The following SGCZ variants were observed in gnomAD, a reference collection of about 807,000 sequenced individuals.
SGCZ encodes sarcoglycan zeta.
A neutral mutation model predicts 41.3 loss-of-function variants in SGCZ; 40 were observed. That is an observed-to-expected ratio of 0.97 (90% CI 0.75 to 1.26). SGCZ has a LOEUF of 1.26. Among genes scored for constraint, SGCZ ranks in the 50% most tolerant of loss-of-function variants. SGCZ has a pLI of 0.00. For missense variants in SGCZ, 552 were observed against 369.8 expected, an observed-to-expected ratio of 1.49 and a Z score of -4.04; for synonymous variants, 206 against 137.5, an observed-to-expected ratio of 1.50 and a Z score of -3.49.
chr8:14,361,128 T>C (rs564956500), intron 2 of SGCZ, among the ~76,000 whole-genome samples: 2 of 152,340 alleles, frequency 1.3e-5, no homozygotes, highest in South Asian at 2.1e-4. Context: ...GCTAATTGGA[T>C]TGTTTCTTTG....
intron 1 of SGCZ, among the ~76,000 whole-genome samples, chr8:15,195,689 T>C (rs955170770): frequency 6.6e-6 from 1 of 152,124 alleles, no homozygotes; most frequent in African/African-American, 2.4e-5. Context: ...TACTCTGAAA[T>C]GTTGCCATTT....
At chr8:14,767,464 T>C (rs1391057370) in intron 1 of SGCZ, among the ~76,000 whole-genome samples, 2 of 152,158 alleles carry the variant, frequency 1.3e-5, no homozygotes, top group East Asian at 1.9e-4. Context: ...TTACAATCAA[T>C]TTTACTCTAG....
At chr8:14,743,921 G>T (rs114763653) in intron 1 of SGCZ, among the ~76,000 whole-genome samples, 3,802 of 151,990 alleles carry the variant, frequency 0.025, 163 homozygotes, top group African/African-American at 0.087. Context: ...ATTTTATTCT[G>T]GGGATCCGAA....
At chr8:14,290,019 T>C (rs1318028781) in intron 3 of SGCZ, among the ~76,000 whole-genome samples, 1 of 151,784 alleles carries the variant, frequency 6.6e-6, no homozygotes, top group Non-Finnish European at 1.5e-5. Context: ...TCCAGCATTA[T>C]CACGAGAACA....
intron 1 of SGCZ, among the ~76,000 whole-genome samples, chr8:15,192,440 A>G (rs1321253813): frequency 6.6e-6 from 1 of 152,172 alleles, no homozygotes. Flanking sequence ...GCTACAAAAA[A>G]TTTTTGAAAA....
intron 3 of SGCZ, among the ~76,000 whole-genome samples, chr8:14,248,278 A>G (rs1346275): frequency 1 from 151,547 of 152,272 alleles, 75,419 homozygotes; most frequent in Non-Finnish European, 1. Context: ...GATGAGTTAC[A>G]TAAAAAGCTT....
chr8:14,394,749 G>A (rs375871406), intron 2 of SGCZ, among the ~76,000 whole-genome samples: 1 of 152,126 alleles, frequency 6.6e-6, no homozygotes, highest in Non-Finnish European at 1.5e-5. Flanking sequence ...TATTTTCAGC[G>A]ATTGGGTGGA....
At chr8:14,116,773 A>T (rs1305217049) in intron 5 of SGCZ, among the ~76,000 whole-genome samples, 1 of 152,100 alleles carries the variant, frequency 6.6e-6, no homozygotes, top group African/African-American at 2.4e-5. Context: ...TAACCATAAG[A>T]GGACTGGTAG....
chr8:14,203,656 G>A (rs907759331), intron 4 of SGCZ, among the ~76,000 whole-genome samples: 1 of 152,152 alleles, frequency 6.6e-6, no homozygotes, highest in African/African-American at 2.4e-5. Flanking sequence ...GGTCACTGGA[G>A]GTGAGCACCA....
chr8:14,175,202 C>G (rs1276451079), intron 4 of SGCZ, among the ~76,000 whole-genome samples: 4 of 151,960 alleles, frequency 2.6e-5, no homozygotes, highest in African/African-American at 9.7e-5. Flanking sequence ...AAATTATCAT[C>G]CAAGGTTGAA....
At chr8:14,511,568 T>G (rs1802469721) in intron 2 of SGCZ, among the ~76,000 whole-genome samples, 1 of 152,098 alleles carries the variant, frequency 6.6e-6, no homozygotes, top group South Asian at 2.1e-4. Flanking sequence ...AATAGAGATC[T>G]TATAATTAAA....
chr8:14,996,478 CG>C (rs1346636609), intron 1 of SGCZ, among the ~76,000 whole-genome samples: 2 of 151,918 alleles, frequency 1.3e-5, no homozygotes, highest in Non-Finnish European at 2.9e-5. Context: ...CACAGCTTAC[CG>C]CAGCCTTGAA....
At chr8:15,171,809 A>C (rs1335792549) in intron 1 of SGCZ, among the ~76,000 whole-genome samples, 3 of 152,216 alleles carry the variant, frequency 2.0e-5, no homozygotes, top group Admixed American at 2.0e-4. Context: ...AGGGACACCT[A>C]GTAAAACCTT....
chr8:14,910,253 G>A (rs1357690862), intron 1 of SGCZ, among the ~76,000 whole-genome samples: 1 of 151,964 alleles, frequency 6.6e-6, no homozygotes, highest in Non-Finnish European at 1.5e-5. Context: ...GGTTAAAACA[G>A]TATTTCTCTA....
chr8:14,897,558 T>C (rs1284757744), intron 1 of SGCZ, among the ~76,000 whole-genome samples: 2 of 152,210 alleles, frequency 1.3e-5, no homozygotes, highest in Non-Finnish European at 2.9e-5. Flanking sequence ...AGTCTAATCA[T>C]TGTACAGGTC....
At chr8:14,514,406 G>T (rs1265983003) in intron 2 of SGCZ, among the ~76,000 whole-genome samples, 2 of 151,872 alleles carry the variant, frequency 1.3e-5, no homozygotes, top group Non-Finnish European at 2.9e-5. Flanking sequence ...TGTAGGATAG[G>T]AAAAACGACA....
chr8:14,090,687 C>G, intron 7 of SGCZ, 50 bp from the exon 8 acceptor site: 1 of 1,506,456 alleles, frequency 6.6e-7, no homozygotes, highest in Non-Finnish European at 9.1e-7. Context: ...AATGTAGCAT[C>G]GAGTAATCTA....
chr8:14,399,532 G>A (rs75192740), intron 2 of SGCZ, among the ~76,000 whole-genome samples: 5,941 of 152,098 alleles, frequency 0.039, 350 homozygotes, highest in African/African-American at 0.13. Context: ...AGAAAAAAAA[G>A]TCCCAGTCTT....
chr8:14,704,190 T>C (rs749822740), intron 1 of SGCZ, among the ~76,000 whole-genome samples: 2 of 151,998 alleles, frequency 1.3e-5, no homozygotes, highest in African/African-American at 4.8e-5. Flanking sequence ...TGCATACTCA[T>C]AGATGTTTAA....
Sources: gnomAD v4.1 joint callset for allele counts (sites outside exome capture counted in the v4.1 genomes callset) on GRCh38, gnomAD v4.1.1 for gene constraint, MANE v1.5 for transcripts, NCBI Gene and HGNC (gene_info 2026-07-23, HGNC 2026-07-21) for gene names.